The following CNTN5 variants were observed in gnomAD, a reference collection of about 807,000 sequenced individuals.
CNTN5 encodes contactin-5.
Under a neutral mutation model 129.1 loss-of-function variants are expected in CNTN5, and 77 were observed. That is an observed-to-expected ratio of 0.60 (90% CI 0.50 to 0.72). CNTN5 has a LOEUF of 0.72. Ranked by LOEUF, CNTN5 falls within the 30% of genes least tolerant of loss-of-function variation. The pLI is 0.00. For missense variants in CNTN5, 1,478 were observed against 1,328.8 expected (o/e 1.11, Z -1.75); for synonymous variants, 509 against 465.6 (o/e 1.09, Z -1.20).
At chr11:100,286,518 T>C (rs1950798101) in intron 18 of CNTN5, among the ~76,000 whole-genome samples, 1 of 148,404 alleles carries the variant, frequency 6.7e-6, no homozygotes, top group African/African-American at 2.5e-5. Flanking sequence ...CACGGCAGGG[T>C]ATTCCAACAG....
chr11:99,787,772 T>C (rs1945588516), intron 3 of CNTN5, among the ~76,000 whole-genome samples: 1 of 152,042 alleles, frequency 6.6e-6, no homozygotes, highest in African/African-American at 2.4e-5. Context: ...GTGCTATACA[T>C]ATAATTAAGC....
At chr11:100,267,274 CACACACAGAG>C (rs1382471722) in intron 17 of CNTN5, among the ~76,000 whole-genome samples, 1 of 139,158 alleles carries the variant, frequency 7.2e-6, no homozygotes, top group African/African-American at 3.0e-5. Flanking sequence ...CACACACACA[CACACACAGAG>C]AGAGAGAGAA....
At chr11:99,690,432 C>T (rs1211831506) in intron 3 of CNTN5, among the ~76,000 whole-genome samples, 1 of 152,022 alleles carries the variant, frequency 6.6e-6, no homozygotes, top group Non-Finnish European at 1.5e-5. Flanking sequence ...ATTGCCATGG[C>T]TATCTGGCTA....
chr11:99,711,873 G>C (rs646052), intron 3 of CNTN5, among the ~76,000 whole-genome samples: 2 of 151,862 alleles, frequency 1.3e-5, no homozygotes, highest in African/African-American at 4.8e-5. Flanking sequence ...TCTGTATCCA[G>C]TCTATCATTG....
At chr11:99,866,734 G>A (rs1332552740) in intron 6 of CNTN5, among the ~76,000 whole-genome samples, 1 of 152,222 alleles carries the variant, frequency 6.6e-6, no homozygotes, top group Non-Finnish European at 1.5e-5. Context: ...TTGTGAGGAA[G>A]TGTTGCAGGG....
At chr11:99,634,457 C>T (rs1183582663) in intron 3 of CNTN5, among the ~76,000 whole-genome samples, 1 of 152,124 alleles carries the variant, frequency 6.6e-6, no homozygotes, top group Non-Finnish European at 1.5e-5. Context: ...AGAGGGAAGA[C>T]TGACTGCAGT....
intron 2 of CNTN5, among the ~76,000 whole-genome samples, chr11:99,343,227 A>G (rs901279364): frequency 7.2e-5 from 11 of 152,184 alleles, no homozygotes; most frequent in Admixed American, 5.9e-4. Context: ...GGAAAGCAGT[A>G]GATTTAGACA....
chr11:100,185,231 GCTTGATC>G (rs1296347982), intron 13 of CNTN5, among the ~76,000 whole-genome samples: 1 of 152,054 alleles, frequency 6.6e-6, no homozygotes, highest in Non-Finnish European at 1.5e-5. Context: ...GGGTTTTGTT[GCTTGATC>G]TGTAAAATGA....
intron 6 of CNTN5, among the ~76,000 whole-genome samples, chr11:99,847,959 C>T (rs1366015423): frequency 6.6e-6 from 1 of 152,166 alleles, no homozygotes; most frequent in Admixed American, 6.5e-5. Flanking sequence ...ACGCCCATAA[C>T]CCCAGCATTT....
At chr11:99,974,385 T>C (rs1291448177) in intron 8 of CNTN5, among the ~76,000 whole-genome samples, 1 of 152,202 alleles carries the variant, frequency 6.6e-6, no homozygotes, top group African/African-American at 2.4e-5. Context: ...CGGTGATTGT[T>C]TTATCTACTG....
At chr11:99,128,576 G>A (rs537307634) in intron 1 of CNTN5, among the ~76,000 whole-genome samples, 3 of 152,312 alleles carry the variant, frequency 2.0e-5, no homozygotes, top group African/African-American at 7.2e-5. Context: ...CCGATCTAGA[G>A]GAGGGGGACT....
At chr11:99,496,014 T>C (rs769928703) in intron 2 of CNTN5, among the ~76,000 whole-genome samples, 2 of 152,194 alleles carry the variant, frequency 1.3e-5, no homozygotes, top group Non-Finnish European at 2.9e-5. Flanking sequence ...GTACACATTT[T>C]TGTTTAAGCA....
At chr11:99,389,860 A>T (rs986162815) in intron 2 of CNTN5, among the ~76,000 whole-genome samples, 1 of 152,202 alleles carries the variant, frequency 6.6e-6, no homozygotes, top group Non-Finnish European at 1.5e-5. Flanking sequence ...AATTAATAAA[A>T]ATCACATTAA....
At chr11:100,103,314 T>C (rs1056288685) in intron 13 of CNTN5, among the ~76,000 whole-genome samples, 6 of 152,160 alleles carry the variant, frequency 3.9e-5, no homozygotes, top group African/African-American at 1.4e-4. Flanking sequence ...CAAATGAGTC[T>C]TTGCCAGCTT....
rs116419546 is a variant in CNTN5, at chr11:99,265,041, G to C, written c.-209-60305G>C. On this transcript the variant is annotated intron_variant, in intron 1 of 24. Coordinates refer to ENST00000524871, the MANE Select transcript of CNTN5 (RefSeq NM_014361.4). ...ATCTCCCTGTTAAATGTATTTAAGA[G>C]TTTAAGTGAATTAAAGTAAACAATT... 5.7e-3 allele frequency among the ~76,000 whole-genome samples: 871 copies of C among 152,016 alleles called. 13 individuals are homozygous for C. The highest frequency in any genetic ancestry group is 0.02 in the African/African-American group (830 of 41,506).
At chr11:100,008,667 C>G (rs1028412387) in intron 9 of CNTN5, among the ~76,000 whole-genome samples, 3 of 152,034 alleles carry the variant, frequency 2.0e-5, no homozygotes, top group Admixed American at 2.0e-4. Context: ...GGACCTTGAC[C>G]AAGCTGTCCT....
intron 16 of CNTN5, among the ~76,000 whole-genome samples, chr11:100,228,745 G>A (rs888186567): frequency 2.0e-5 from 3 of 152,102 alleles, no homozygotes; most frequent in African/African-American, 7.2e-5. Context: ...CTCAGCCCTC[G>A]GCTGGCTCTA....
At chr11:99,627,639 C>A (rs593946) in intron 3 of CNTN5, among the ~76,000 whole-genome samples, 92,847 of 151,504 alleles carry the variant, frequency 0.61, 29,306 homozygotes, top group Admixed American at 0.74. Flanking sequence ...GGTTACACAC[C>A]CACTCAAGTA....
intron 3 of CNTN5, among the ~76,000 whole-genome samples, chr11:99,791,322 A>G (rs183119170): frequency 6.6e-6 from 1 of 152,118 alleles, no homozygotes; most frequent in East Asian, 1.9e-4. Context: ...CTTCTTGTAT[A>G]TTTTATAAGA....
Sources: allele counts gnomAD v4.1 joint callset (sites outside exome capture counted in the v4.1 genomes callset), GRCh38; gene constraint gnomAD v4.1.1; transcripts MANE v1.5; gene names NCBI Gene and HGNC (gene_info 2026-07-23, HGNC 2026-07-21).